The following PCDHA10 variants were observed in gnomAD, a reference collection of about 807,000 sequenced individuals.
PCDHA10 encodes the protein protocadherin alpha 10, also known as protocadherin alpha-10.
Under a neutral mutation model 61.2 loss-of-function variants are expected in PCDHA10, and 45 were observed. The ratio of observed to expected loss-of-function variants is 0.74; its 90% confidence interval spans 0.58 to 0.94. The LOEUF is 0.94. PCDHA10 is among the 40% of genes least tolerant of loss of function. The pLI, the probability that PCDHA10 is intolerant of heterozygous loss-of-function variation, is 0.00. For missense variants in PCDHA10, 1,278 were observed against 1,236.2 expected (o/e 1.03, Z -0.51); for synonymous variants, 602 against 548.8 (o/e 1.10, Z -1.35).
At chr5:140,919,110 C>T (rs1274257448) in intron 1 of PCDHA10, among the ~76,000 whole-genome samples, 3 of 152,118 alleles carry the variant, frequency 2.0e-5, no homozygotes, top group Non-Finnish European at 2.9e-5. Flanking sequence ...TTCATTTCTG[C>T]CAGTTTTTGC....
intron 1 of PCDHA10, among the ~76,000 whole-genome samples, chr5:140,947,353 A>G (rs1041468487): frequency 4.6e-5 from 7 of 151,616 alleles, no homozygotes; most frequent in African/African-American, 1.7e-4. Context: ...TCTGGACTCT[A>G]TTTCACTCCT....
rs542701193 is a variant in PCDHA10 at position 140,931,976 on chromosome 5, A to G, written c.2389-46973A>G. 2.6e-5 allele frequency among the ~76,000 whole-genome samples: 4 copies of G among 152,074 alleles called. No homozygotes were observed. In the East Asian group the frequency reaches 7.7e-4, roughly 29 times the overall value. On this transcript the variant is annotated intron_variant, in intron 1 of 3. Coordinates refer to ENST00000307360, the MANE Select transcript of PCDHA10 (RefSeq NM_018901.4). ...GAATCATGTTGATGCATATGTGTTTATATTTTGCTCAAATTCTAAGTTCTT... is the reference window on the plus strand; with the variant it reads ...GAATCATGTTGATGCATATGTGTTTGTATTTTGCTCAAATTCTAAGTTCTT...
At chr5:140,917,224 G>T (rs142866496) in intron 1 of PCDHA10, among the ~76,000 whole-genome samples, 1 of 150,920 alleles carries the variant, frequency 6.6e-6, no homozygotes, top group African/African-American at 2.4e-5. Flanking sequence ...TTAGTGATAC[G>T]TTGTTAAATC....
chr5:140,904,162 A>G (rs1554191325), intron 1 of PCDHA10, among the ~76,000 whole-genome samples: 1 of 152,028 alleles, frequency 6.6e-6, no homozygotes, highest in Non-Finnish European at 1.5e-5. Context: ...CCCAGTTTGT[A>G]GTCTTTTATT....
At chr5:140,898,864 A>C (rs1401711928) in intron 1 of PCDHA10, among the ~76,000 whole-genome samples, 3 of 149,656 alleles carry the variant, frequency 2.0e-5, no homozygotes, top group African/African-American at 7.5e-5. Flanking sequence ...CTTTTATTTC[A>C]TTGAGCAGTG....
intron 3 of PCDHA10, among the ~76,000 whole-genome samples, chr5:140,993,183 A>C (rs551464442): frequency 2.7e-4 from 41 of 152,298 alleles, no homozygotes; most frequent in Non-Finnish European, 5.0e-4. Flanking sequence ...ATTTCTTTAG[A>C]GGGAAACTCA....
In PCDHA10 at chr5:140,870,834, C is replaced by T. The variant is rs370941881; in HGVS notation, c.2388+12398C>T. ...CTGGCAGCGCGGGAGGCGCAGTTAA[C>T]AAGCTAGTACCGCGGTCGGTGGGTG... On this transcript the variant is annotated intron_variant, in intron 1 of 3. Transcript: ENST00000307360. 184 of 1,613,806 alleles carry T rather than the reference C, an allele frequency of 1.1e-4. 2 individuals are homozygous for T. In the South Asian group the frequency reaches 1.5e-3, roughly 13 times the overall value.
At chr5:141,008,299 C>T (rs1223779122) in intron 3 of PCDHA10, among the ~76,000 whole-genome samples, 2 of 152,120 alleles carry the variant, frequency 1.3e-5, no homozygotes, top group Non-Finnish European at 2.9e-5. Flanking sequence ...TGTACCCAAC[C>T]CTAAACTGTA....
intron 1 of PCDHA10, among the ~76,000 whole-genome samples, chr5:140,937,756 C>CA (rs2091723973): frequency 1.3e-5 from 2 of 151,360 alleles, no homozygotes; most frequent in African/African-American, 4.9e-5. Flanking sequence ...ACTAAAAATA[C>CA]AAAAAATTAG....
At chr5:140,969,342 G>T (rs1216517284) in intron 1 of PCDHA10, 2 of 1,613,512 alleles carry the variant, frequency 1.2e-6, no homozygotes, top group Non-Finnish European at 1.7e-6. Flanking sequence ...GTGAGACAGT[G>T]GTCAGGGGGT....
chr5:140,957,063 C>T (rs2095330338), intron 1 of PCDHA10, among the ~76,000 whole-genome samples: 2 of 152,058 alleles, frequency 1.3e-5, no homozygotes, highest in African/African-American at 4.8e-5. Flanking sequence ...ATAAATGTGA[C>T]TGAGGGCTTT....
chr5:140,862,830 C>A (rs781933426), intron 1 of PCDHA10: 1 of 572,350 alleles, frequency 1.7e-6, no homozygotes, highest in South Asian at 1.4e-5. Context: ...GAGCGCGCGA[C>A]GCGGGCATGC....
intron 1 of PCDHA10, chr5:140,876,650 T>C (rs782068706): frequency 3.1e-6 from 5 of 1,614,162 alleles, no homozygotes; most frequent in South Asian, 2.2e-5. Context: ...ACACCTCATG[T>C]TCCCTTCAAG....
At chr5:140,894,960 A>G (rs1277191439) in intron 1 of PCDHA10, among the ~76,000 whole-genome samples, 1 of 152,170 alleles carries the variant, frequency 6.6e-6, no homozygotes, top group African/African-American at 2.4e-5. Context: ...ATAAAAATAT[A>G]ATTTTTTAAT....
intron 3 of PCDHA10, among the ~76,000 whole-genome samples, chr5:140,995,405 T>G (rs1203404732): frequency 2.6e-5 from 4 of 152,154 alleles, no homozygotes; most frequent in African/African-American, 9.7e-5. Context: ...TGGCTCGAGA[T>G]TTCATCACAT....
intron 3 of PCDHA10, among the ~76,000 whole-genome samples, chr5:141,005,862 G>A (rs376850991): frequency 6.6e-6 from 1 of 152,012 alleles, no homozygotes; most frequent in Non-Finnish European, 1.5e-5. Flanking sequence ...CAGGAGGGTC[G>A]ATTGAGTCCA....
intron 3 of PCDHA10, among the ~76,000 whole-genome samples, chr5:140,985,577 G>GC (rs1195077647): frequency 6.6e-6 from 1 of 152,116 alleles, no homozygotes; most frequent in Non-Finnish European, 1.5e-5. Flanking sequence ...TGGTGCCTAA[G>GC]CCTCCTTATA....
At chr5:140,948,292 A>G (rs1174586168) in intron 1 of PCDHA10, among the ~76,000 whole-genome samples, 1 of 151,576 alleles carries the variant, frequency 6.6e-6, no homozygotes, top group Non-Finnish European at 1.5e-5. Flanking sequence ...AATTTTGTAA[A>G]GAATATCTTT....
At chr5:140,858,600 T>TA (rs1554151860) in intron 1 of PCDHA10, 164 bp downstream of exon 1, 1 of 1,293,862 alleles carries the variant, frequency 7.7e-7, no homozygotes, top group Non-Finnish European at 1.1e-6. Context: ...CCAGGAGTTT[T>TA]AAAATTTTTT....
Sources: allele counts gnomAD v4.1 joint callset (sites outside exome capture counted in the v4.1 genomes callset), GRCh38; gene constraint gnomAD v4.1.1; transcripts MANE v1.5; gene names NCBI Gene and HGNC (gene_info 2026-07-23, HGNC 2026-07-21).